Variants in FARP1 observed in about 807,000 individuals in gnomAD.
The protein encoded by FARP1 is FERM, ARH/RhoGEF and pleckstrin domain protein 1.
A neutral mutation model predicts 128.8 loss-of-function variants in FARP1; 52 were observed. That is an observed-to-expected ratio of 0.40 (90% CI 0.32 to 0.51). The LOEUF (loss-of-function observed/expected upper bound fraction) is 0.51, where lower values mean the gene tolerates loss of function less well. Among genes scored for constraint, FARP1 ranks in the 20% least tolerant of loss-of-function variants. The pLI, the probability that FARP1 is intolerant of heterozygous loss-of-function variation, is 0.45. For missense variants in FARP1, 1,333 were observed against 1,367.9 expected (o/e 0.97, Z 0.40); for synonymous variants, 580 against 551.8 (o/e 1.05, Z -0.72).
intron 1 of FARP1, among the ~76,000 whole-genome samples, chr13:98,153,983 T>G (rs910884357): frequency 1.3e-5 from 2 of 152,220 alleles, no homozygotes; most frequent in African/African-American, 2.4e-5. Context: ...CCACCTGTCT[T>G]TGCTCTGTCA....
chr13:98,206,765 T>A (rs9554446), intron 1 of FARP1, among the ~76,000 whole-genome samples: 32,212 of 152,202 alleles, frequency 0.21, 5,107 homozygotes, highest in East Asian at 0.67. Flanking sequence ...GTTACTTTTT[T>A]AAAGTAATTT....
intron 2 of FARP1, among the ~76,000 whole-genome samples, chr13:98,275,296 T>C (rs2139597506): frequency 6.6e-6 from 1 of 151,216 alleles, no homozygotes; most frequent in East Asian, 1.9e-4. Context: ...ATGTCAGAGA[T>C]TTGCTTCCAC....
chr13:98,435,479 CTGGAG>C (rs1892218621), intron 18 of FARP1, 92 bp from the exon 19 acceptor site: 7 of 1,229,702 alleles, frequency 5.7e-6, no homozygotes, highest in Non-Finnish European at 7.9e-6. Context: ...TGTGCAGGGA[CTGGAG>C]TGATTTCCCT....
chr13:98,389,000 CTCT>C, intron 9 of FARP1, among the ~76,000 whole-genome samples: 1 of 152,262 alleles, frequency 6.6e-6, no homozygotes, highest in East Asian at 1.9e-4. Flanking sequence ...GAGGAGAAGC[CTCT>C]TCTTTGTCTG....
intron 2 of FARP1, among the ~76,000 whole-genome samples, chr13:98,229,964 C>T (rs550938867): frequency 6.6e-6 from 1 of 152,198 alleles, no homozygotes; most frequent in African/African-American, 2.4e-5. Flanking sequence ...AAGAAATACT[C>T]AGAAAGCAAG....
chr13:98,415,457 A>T (rs552426882), intron 16 of FARP1, among the ~76,000 whole-genome samples: 1 of 146,124 alleles, frequency 6.8e-6, no homozygotes, highest in Non-Finnish European at 1.5e-5. Flanking sequence ...GAGTGAATGA[A>T]TGAATGAATG....
chr13:98,184,543 G>A (rs1382053161), intron 1 of FARP1, among the ~76,000 whole-genome samples: 1 of 152,188 alleles, frequency 6.6e-6, no homozygotes, highest in African/African-American at 2.4e-5. Context: ...ACAGTATGTG[G>A]AGTGTGATTC....
chr13:98,444,998 G>A (rs3752971), intron 24 of FARP1, among the ~76,000 whole-genome samples: 102,149 of 151,676 alleles, frequency 0.67, 36,570 homozygotes, highest in Non-Finnish European at 0.81. Context: ...GGCCTGGAAT[G>A]CCCTTTCTCC....
chr13:98,236,506 T>G (rs1042175364), intron 2 of FARP1, among the ~76,000 whole-genome samples: 2 of 152,122 alleles, frequency 1.3e-5, no homozygotes, highest in Non-Finnish European at 2.9e-5. Flanking sequence ...TCCAATGTTA[T>G]GCAGAGTTTT....
At chr13:98,392,676 T>C (rs1339516024) in intron 11 of FARP1, among the ~76,000 whole-genome samples, 1 of 152,170 alleles carries the variant, frequency 6.6e-6, no homozygotes, top group African/African-American at 2.4e-5. Flanking sequence ...TGATTGCCTA[T>C]TGAGAACCAT....
chr13:98,234,386 A>G (rs541292403), intron 2 of FARP1: 91 of 152,354 alleles, frequency 6.0e-4, no homozygotes, highest in African/African-American at 1.7e-3. Context: ...GTTCATTAAT[A>G]ATATTCTGAC....
intron 16 of FARP1, among the ~76,000 whole-genome samples, chr13:98,424,056 T>C (rs578235152): frequency 6.6e-6 from 1 of 152,332 alleles, no homozygotes; most frequent in Admixed American, 6.5e-5. Context: ...TTCTCAGTTA[T>C]GCATTTCTCT....
chr13:98,309,655 C>T (rs1478243497), intron 2 of FARP1, among the ~76,000 whole-genome samples: 8 of 151,962 alleles, frequency 5.3e-5, no homozygotes, highest in African/African-American at 9.7e-5. Flanking sequence ...AAAAGTGGAA[C>T]GAAAGGAGGG....
chr13:98,361,970 A>T (rs955819209), intron 3 of FARP1, among the ~76,000 whole-genome samples: 3 of 152,304 alleles, frequency 2.0e-5, no homozygotes, highest in African/African-American at 7.2e-5. Flanking sequence ...TCCAGTTAAA[A>T]ACAAGTAAAC....
intron 2 of FARP1, among the ~76,000 whole-genome samples, chr13:98,325,066 G>A (rs1175834405): frequency 3.3e-5 from 5 of 152,198 alleles, no homozygotes; most frequent in Non-Finnish European, 5.9e-5. Flanking sequence ...AGAACACTCT[G>A]TCATGAACTA....
Position 98,256,971 on chromosome 13 carries a change from A to G in FARP1, c.171+43558A>G, listed in dbSNP as rs1176807561. Among the ~76,000 whole-genome samples, 190 of 138,366 alleles carry G rather than the reference A, an allele frequency of 1.4e-3. 8 individuals carry two copies. Among genetic ancestry groups the G allele is most frequent in the South Asian group, 2.3e-3 (10 of 4,276 alleles). The allele number at this position is 138,366 out of a possible 152,430, so 90.8% of individuals were successfully genotyped here. A position where few individuals can be genotyped will look rare whatever the true frequency, so the allele number is the denominator to read the frequency against. The stretch of plus-strand genomic sequence containing the variant: ...TGGATATATATATATATATATATAT[A>G]TATATATATATATATATATACCGAA... On this transcript the variant is annotated intron_variant, in intron 2 of 26. Coordinates refer to ENST00000319562, the MANE Select transcript of FARP1 (RefSeq NM_005766.4).
chr13:98,230,960 G>T (rs910960463), intron 2 of FARP1, among the ~76,000 whole-genome samples: 3 of 152,182 alleles, frequency 2.0e-5, no homozygotes, highest in African/African-American at 7.2e-5. Context: ...TTACATGGCG[G>T]CAGACAAGAG....
intron 2 of FARP1, among the ~76,000 whole-genome samples, chr13:98,225,947 T>G (rs1881736378): frequency 6.6e-6 from 1 of 152,216 alleles, no homozygotes; most frequent in South Asian, 2.1e-4. Context: ...TCAGTGATGG[T>G]TGGAAGTCCC....
At chr13:98,314,438 C>T (rs1308637865) in intron 2 of FARP1, among the ~76,000 whole-genome samples, 7 of 151,762 alleles carry the variant, frequency 4.6e-5, no homozygotes, top group Non-Finnish European at 1.0e-4. Flanking sequence ...TGCCACCATG[C>T]CCAGCTAATT....
Sources: allele counts gnomAD v4.1 joint callset (sites outside exome capture counted in the v4.1 genomes callset), GRCh38; gene constraint gnomAD v4.1.1; transcripts MANE v1.5; gene names NCBI Gene and HGNC (gene_info 2026-07-23, HGNC 2026-07-21).